EIF2S3: variants seen among roughly 807,000 people sequenced by gnomAD.
EIF2S3 encodes the protein eukaryotic translation initiation factor 2 subunit gamma, also known as eukaryotic translation initiation factor 2 subunit 3.
A neutral mutation model predicts 31.7 loss-of-function variants in EIF2S3; 2 were observed. The ratio of observed to expected loss-of-function variants is 0.06; its 90% CI spans 0.03 to 0.20. The LOEUF is 0.20. Ranked by LOEUF, EIF2S3 falls within the 10% of genes least tolerant of loss-of-function variation. The pLI is 1.00. For synonymous variants in EIF2S3, 120 were observed against 126.7 expected, an observed-to-expected ratio of 0.95 and a Z score of 0.36; for missense variants, 96 against 359.3, an observed-to-expected ratio of 0.27 and a Z score of 5.92.
chrX:24,071,092 T>G (rs1470952616), intron 9 of EIF2S3, among the ~76,000 whole-genome samples: 1 of 111,688 alleles, frequency 9.0e-6, no homozygotes, highest in African/African-American at 3.3e-5. Flanking sequence ...ATAAAACAGG[T>G]ATTTTCTTGT....
chrX:24,075,927 C>T (rs1930747314), intron 11 of EIF2S3, among the ~76,000 whole-genome samples: 1 of 109,821 alleles, frequency 9.1e-6, no homozygotes, highest in Non-Finnish European at 1.9e-5. Flanking sequence ...TGATCTCAAA[C>T]TCCTGGCCTC....
intron 7 of EIF2S3, 102 bp downstream of exon 7, chrX:24,064,437 A>T: frequency 1.1e-5 from 11 of 1,000,211 alleles, no homozygotes; most frequent in Non-Finnish European, 1.5e-5. Context: ...TGCAGAGGTG[A>T]TAATTCATAC....
chrX:24,072,125 C>T (rs7880809), intron 10 of EIF2S3, among the ~76,000 whole-genome samples: 7,985 of 109,899 alleles, frequency 0.073, 598 homozygotes, highest in African/African-American at 0.23. Context: ...GTGATCCGCC[C>T]GCCTTGGCCT....
At position 24,062,501 on chromosome X, in the gene EIF2S3, A is replaced by G; in HGVS notation, c.564A>G (p.Leu188=). The G allele has an allele frequency of 1.7e-6, 2 of 1,210,376 alleles. No homozygotes were observed. Among genetic ancestry groups the G allele is most frequent in the Non-Finnish European group, 2.2e-6 (2 of 894,507 alleles). The change falls in exon 6 of 12, where the codon CTA becomes CTG. Residue 188 remains leucine, a synonymous_variant. Transcript: ENST00000253039. The part of the protein sequence containing the change: ...EIMKLKHILI[L]QNKIDLVKES... ...TGAAACTGAAGCATATTTTGATTCT[A>G]CAAAATAAAATTGATTTGGTAAAAG... is the stretch of plus-strand genomic sequence containing the variant.
At chrX:24,064,594 G>A (rs778963767) in intron 7 of EIF2S3, among the ~76,000 whole-genome samples, 2 of 112,216 alleles carry the variant, frequency 1.8e-5, no homozygotes, top group African/African-American at 3.2e-5. Flanking sequence ...TTGGGGGGCC[G>A]AGGTGGGTGG....
chrX:24,067,484 C>T (rs906071253), intron 8 of EIF2S3, among the ~76,000 whole-genome samples: 50 of 84,350 alleles, frequency 5.9e-4, no homozygotes, highest in South Asian at 9.9e-4. Context: ...TTGACAGTCT[C>T]GTTCACATCT....
chrX:24,059,043 G>A (rs1288097659), intron 4 of EIF2S3, among the ~76,000 whole-genome samples: 1 of 112,155 alleles, frequency 8.9e-6, no homozygotes, highest in Non-Finnish European at 1.9e-5. Context: ...TGATTACTGA[G>A]TTTTTTGGCA....
At chrX:24,066,767 G>C (rs960329894) in intron 8 of EIF2S3, among the ~76,000 whole-genome samples, 5 of 111,756 alleles carry the variant, frequency 4.5e-5, no homozygotes, top group African/African-American at 1.6e-4. Context: ...ACCCGCCTCG[G>C]CCTCCCAAAG....
chrX:24,057,912 G>A (rs891996445), intron 4 of EIF2S3, among the ~76,000 whole-genome samples, 158 bp downstream of exon 4: 18 of 112,499 alleles, frequency 1.6e-4, no homozygotes, highest in African/African-American at 5.8e-4. Context: ...GAAAAGTCAA[G>A]CATCTAAACC....
chrX:24,065,833 A>T (rs189351805), intron 7 of EIF2S3, among the ~76,000 whole-genome samples, 165 bp from the exon 8 acceptor site: 1 of 111,898 alleles, frequency 8.9e-6, no homozygotes, highest in Non-Finnish European at 1.9e-5. Context: ...TTTTTCCATC[A>T]TAAGTAAGAC....
chrX:24,066,262 T>C (rs1235324708), intron 8 of EIF2S3, among the ~76,000 whole-genome samples, 170 bp downstream of exon 8: 1 of 110,447 alleles, frequency 9.1e-6, no homozygotes, highest in Non-Finnish European at 1.9e-5. Flanking sequence ...TTTAATATTC[T>C]TTTTTTCTCT....
intron 2 of EIF2S3, among the ~76,000 whole-genome samples, chrX:24,056,593 T>A (rs1930407136): frequency 8.9e-6 from 1 of 111,873 alleles, no homozygotes; most frequent in Non-Finnish European, 1.9e-5. Flanking sequence ...GTGCAGTGGC[T>A]TATGCTTGTA....
At position 24,054,993 on chromosome X, in the gene EIF2S3, A is replaced by G. The variant is rs1400226820; in HGVS notation, c.25A>G (p.Thr9Ala). 2 of 1,209,689 alleles carry G rather than the reference A, an allele frequency of 1.7e-6. No homozygotes were observed. Among genetic ancestry groups the G allele is most frequent in the South Asian group, 3.5e-5 (2 of 56,935 alleles). MAGGEAGV[T>A]LGQPHLSRQD... is the part of the protein sequence containing the mutation. The stretch of plus-strand genomic sequence containing the variant: ...CATGGCGGGCGGAGAAGCTGGAGTG[A>G]CTCTAGGGCAGCCGCATCTTTCGCG... Residue 9 changes from threonine (T) to alanine (A), a missense_variant, in exon 1 of 12, where the codon ACT (threonine) becomes GCT (alanine). Thr to Ala is a moderately conservative substitution (Grantham distance 58, BLOSUM62 0). Transcript: ENST00000253039.
chrX:24,078,272 C>T lies in EIF2S3; in HGVS notation c.*1487C>T, dbSNP rs899185377. On this transcript the variant is annotated 3_prime_UTR_variant, in exon 12 of 12. Transcript: ENST00000253039. ...AACTCCTAACCTCAGGTGATCCGCC[C>T]GCCTCTGCCTTCCAAAGTGCTGGGA... Among the ~76,000 whole-genome samples, 17 of 111,273 alleles carry T rather than the reference C, an allele frequency of 1.5e-4. No individual in the cohort carries two copies. Among genetic ancestry groups the T allele is most frequent in the Middle Eastern group, 4.6e-3 (1 of 216 alleles).
chrX:24,069,917 C>T (rs1271924479), intron 9 of EIF2S3, among the ~76,000 whole-genome samples: 1 of 109,331 alleles, frequency 9.1e-6, no homozygotes, highest in East Asian at 2.9e-4. Flanking sequence ...TCTCGAACTT[C>T]TGGTCTTAAG....
chrX:24,074,661 T>G (rs763118331), intron 11 of EIF2S3, among the ~76,000 whole-genome samples: 3 of 110,297 alleles, frequency 2.7e-5, no homozygotes, highest in Admixed American at 9.8e-5. Flanking sequence ...CATTTATCAT[T>G]TGGCATTCTT....
rs1346240824 is a variant in EIF2S3 at position 24,077,727 on chromosome X, G to A, written c.*942G>A. ...GAAACACGGGAAACCAGAGTCAAAA[G>A]TTATCTCCCTCTCCCTGTGATGCCT... On this transcript the variant is annotated 3_prime_UTR_variant, in exon 12 of 12. Transcript: ENST00000253039. The A allele has an allele frequency of 8.9e-6, 1 of 111,881 alleles. No homozygotes were observed. Among genetic ancestry groups the A allele is most frequent in the East Asian group, 2.8e-4 (1 of 3,585 alleles). 9.2% of individuals were successfully genotyped at this position (111,881 alleles called of 1,213,427 possible).
intron 9 of EIF2S3, among the ~76,000 whole-genome samples, chrX:24,069,349 C>G (rs1349242932): frequency 9.6e-6 from 1 of 103,781 alleles, no homozygotes; most frequent in Non-Finnish European, 2.0e-5. Flanking sequence ...TGCACTCCAG[C>G]CTGGGTGACA....
intron 7 of EIF2S3, among the ~76,000 whole-genome samples, chrX:24,064,745 C>T (rs922213629): frequency 9.0e-6 from 1 of 111,295 alleles, no homozygotes; most frequent in Non-Finnish European, 1.9e-5. Flanking sequence ...AGGAGAATGG[C>T]GCGAACCCGG....
Sources: allele counts gnomAD v4.1 joint callset (sites outside exome capture counted in the v4.1 genomes callset), GRCh38; gene constraint gnomAD v4.1.1; transcripts MANE v1.5; gene names NCBI Gene and HGNC (gene_info 2026-07-23, HGNC 2026-07-21).